Variants in ASIC2 observed in about 807,000 individuals in gnomAD.
ASIC2 encodes acid sensing ion channel subunit 2.
ASIC2 carries 25 observed loss-of-function variants against 57.3 expected under a neutral mutation model. The observed-to-expected ratio is 0.44, with a 90% confidence interval of 0.32 to 0.61. The LOEUF is 0.61. ASIC2 is among the 20% of genes least tolerant of loss of function. The pLI is 0.06. For synonymous variants in ASIC2, 319 were observed against 307.5 expected (o/e 1.04, Z -0.39); for missense variants, 641 against 738.1 (o/e 0.87, Z 1.52).
At chr17:33,069,308 G>T (rs1244486718) in intron 3 of ASIC2, among the ~76,000 whole-genome samples, 6 of 152,142 alleles carry the variant, frequency 3.9e-5, no homozygotes, top group African/African-American at 1.2e-4. Context: ...TGTGTATTTT[G>T]CTATTGTTCT....
rs1330850946 is a variant in ASIC2, at chr17:33,932,741, A to AATATATAT, written c.555+223229_555+223236dup. ...AAAAAAAAAAAAAAAAAAAAAAAAA[A>AATATATAT]ATATATATATATATATATATAGTAT... On this transcript the variant is annotated intron_variant, in intron 1 of 9. Coordinates refer to the ASIC2 transcript ENST00000359872. 1.3e-3 allele frequency: 74 copies of AATATATAT among 58,684 alleles called. 2 individuals carry two copies. The highest frequency in any genetic ancestry group is 3.9e-3 in the African/African-American group (58 of 14,740). 3.6% of individuals were successfully genotyped at this position (58,684 alleles called of 1,614,324 possible). A position where few individuals can be genotyped will look rare whatever the true frequency, so the allele number is the denominator to read the frequency against.
At chr17:33,342,755 T>C (rs1907776579) in intron 1 of ASIC2, among the ~76,000 whole-genome samples, 1 of 152,186 alleles carries the variant, frequency 6.6e-6, no homozygotes, top group Admixed American at 6.5e-5. Context: ...TGGCAGAGTT[T>C]CTGGGCAAAG....
intron 1 of ASIC2, among the ~76,000 whole-genome samples, chr17:33,962,540 G>A (rs1419787896): frequency 6.6e-6 from 1 of 152,162 alleles, no homozygotes; most frequent in African/African-American, 2.4e-5. Context: ...TTTCCATGGT[G>A]TGTAGAATGT....
At chr17:33,599,909 C>G (rs1343857069) in intron 1 of ASIC2, among the ~76,000 whole-genome samples, 1 of 152,210 alleles carries the variant, frequency 6.6e-6, no homozygotes, top group Non-Finnish European at 1.5e-5. Context: ...TCCAGTTGCT[C>G]AAGTTCAAAT....
chr17:33,378,158 C>T (rs1802311504), intron 1 of ASIC2, among the ~76,000 whole-genome samples: 1 of 152,174 alleles, frequency 6.6e-6, no homozygotes, highest in Non-Finnish European at 1.5e-5. Context: ...TTTTCCAGTG[C>T]CTCAGTTTCC....
chr17:33,261,551 G>A (rs1909280632), intron 1 of ASIC2, among the ~76,000 whole-genome samples: 2 of 152,192 alleles, frequency 1.3e-5, no homozygotes, highest in South Asian at 4.1e-4. Flanking sequence ...CATGTGAGAA[G>A]GGGAGACAGT....
chr17:33,738,826 A>C (rs1286486136), intron 1 of ASIC2, among the ~76,000 whole-genome samples: 1 of 152,238 alleles, frequency 6.6e-6, no homozygotes. Context: ...TGTGTGGCTT[A>C]GGTGGCTTAA....
chr17:33,115,338 A>T (rs1162208601), intron 1 of ASIC2, among the ~76,000 whole-genome samples: 2 of 152,062 alleles, frequency 1.3e-5, no homozygotes, highest in Non-Finnish European at 2.9e-5. Context: ...TGACAGCTAA[A>T]TTTTTTATCA....
chr17:33,260,860 C>A (rs1688591278), intron 1 of ASIC2, among the ~76,000 whole-genome samples: 1 of 152,162 alleles, frequency 6.6e-6, no homozygotes, highest in Non-Finnish European at 1.5e-5. Flanking sequence ...TGAGCTTGGG[C>A]CGACCAAACG....
chr17:34,019,008 T>C (rs945131561), intron 1 of ASIC2, among the ~76,000 whole-genome samples: 6 of 152,122 alleles, frequency 3.9e-5, no homozygotes, highest in Admixed American at 2.0e-4. Context: ...CCCAGGTTCA[T>C]GCCATTCTCC....
intron 3 of ASIC2, chr17:33,052,110 A>C (rs2091979115): frequency 2.6e-5 from 4 of 152,234 alleles, no homozygotes; most frequent in African/African-American, 9.6e-5. Context: ...AGAGGAACCC[A>C]TGGAAAAGAT....
At chr17:34,012,718 A>AT (rs201807010) in intron 1 of ASIC2, among the ~76,000 whole-genome samples, 61,314 of 149,356 alleles carry the variant, frequency 0.41, 14,059 homozygotes, top group Non-Finnish European at 0.51. Flanking sequence ...ACAGAGAATG[A>AT]TTTTTTTTTT....
At chr17:33,225,667 C>T (rs1289975840) in intron 1 of ASIC2, among the ~76,000 whole-genome samples, 2 of 152,174 alleles carry the variant, frequency 1.3e-5, no homozygotes, top group Non-Finnish European at 2.9e-5. Flanking sequence ...AAAAGGGTCA[C>T]CAGATCAGTA....
intron 1 of ASIC2, among the ~76,000 whole-genome samples, chr17:33,378,289 G>A (rs191391199): frequency 1.3e-3 from 196 of 152,296 alleles, no homozygotes; most frequent in African/African-American, 4.5e-3. Flanking sequence ...AAACATTGTG[G>A]CCACCAGCTT....
intron 1 of ASIC2, among the ~76,000 whole-genome samples, chr17:34,095,607 T>TTATATATATATATATATATATAATTTTA (rs1299712415): frequency 3.1e-5 from 3 of 96,146 alleles, no homozygotes; most frequent in Non-Finnish European, 5.6e-5. Flanking sequence ...CAGGCAAATT[T>TTATATATATATATATATATATAATTTTA]TATATATATA....
At chr17:34,008,179 C>T (rs764081467) in intron 1 of ASIC2, among the ~76,000 whole-genome samples, 24 of 152,170 alleles carry the variant, frequency 1.6e-4, no homozygotes, top group Non-Finnish European at 3.4e-4. Context: ...GTAATTATGT[C>T]ACTATACTAT....
At chr17:33,759,315 ATT>A (rs1270718130) in intron 1 of ASIC2, among the ~76,000 whole-genome samples, 1 of 152,204 alleles carries the variant, frequency 6.6e-6, no homozygotes, top group Non-Finnish European at 1.5e-5. Flanking sequence ...GGCGGAAAAA[ATT>A]TCTAAACAGC....
At chr17:33,269,610 C>CT (rs1904364202) in intron 1 of ASIC2, among the ~76,000 whole-genome samples, 2 of 150,314 alleles carry the variant, frequency 1.3e-5, no homozygotes, top group African/African-American at 2.5e-5. Context: ...CTAAGGGCTC[C>CT]TTCCCTTCCT....
chr17:34,001,003 T>G (rs1452658055), intron 1 of ASIC2: 1 of 152,224 alleles, frequency 6.6e-6, no homozygotes, highest in Non-Finnish European at 1.5e-5. Context: ...CTTTTCTATC[T>G]GTATTCTCTT....
Sources: allele counts gnomAD v4.1 joint callset (sites outside exome capture counted in the v4.1 genomes callset), GRCh38; gene constraint gnomAD v4.1.1; transcripts MANE v1.5; gene names NCBI Gene and HGNC (gene_info 2026-07-23, HGNC 2026-07-21).